CACNG2: variants seen among roughly 807,000 people sequenced by gnomAD.
CACNG2 encodes the protein voltage-dependent calcium channel gamma-2 subunit.
Under a neutral mutation model 25.9 loss-of-function variants are expected in CACNG2, and 3 were observed. The observed-to-expected ratio is 0.12, with a 90% CI of 0.05 to 0.30. The LOEUF (loss-of-function observed/expected upper bound fraction) is 0.30. Among genes scored for constraint, CACNG2 ranks in the 10% least tolerant of loss-of-function variants. The probability of loss-of-function intolerance (pLI) is 1.00; values close to 1 mark genes in which losing one functional copy is unlikely to be tolerated. For synonymous variants in CACNG2, 167 were observed against 173.3 expected (o/e 0.96, Z 0.29); for missense variants, 341 against 432.5 (o/e 0.79, Z 1.88).
In CACNG2 at chr22:36,608,633, A is replaced by T. The variant is rs963784420; in HGVS notation, c.212-21085T>A. 2.0e-5 allele frequency among the ~76,000 whole-genome samples: 3 copies of T among 152,094 alleles called. No homozygotes were observed. The South Asian group carries it at 6.2e-4, about 32-fold the overall frequency. Reference sequence around the variant, plus strand: ...TGATAAATGTTAGCCATTATTTTTAATAGGGACTCAGGACTGATGCTATCA... The same window carrying T: ...TGATAAATGTTAGCCATTATTTTTATTAGGGACTCAGGACTGATGCTATCA... On this transcript the variant is annotated intron_variant, in intron 1 of 3. Transcript: ENST00000300105.
At chr22:36,575,954 A>G (rs1224560754) in intron 2 of CACNG2, among the ~76,000 whole-genome samples, 1 of 152,188 alleles carries the variant, frequency 6.6e-6, no homozygotes, top group Admixed American at 6.5e-5. Flanking sequence ...ACCTGCACAG[A>G]CCTGCTGGGT....
At chr22:36,678,489 C>T (rs1265262463) in intron 1 of CACNG2, among the ~76,000 whole-genome samples, 2 of 152,068 alleles carry the variant, frequency 1.3e-5, no homozygotes, top group Non-Finnish European at 2.9e-5. Flanking sequence ...CACATTTGAC[C>T]CAGTTCCCCC....
intron 1 of CACNG2, among the ~76,000 whole-genome samples, chr22:36,595,382 T>A (rs1225165979): frequency 3.3e-5 from 5 of 152,138 alleles, no homozygotes; most frequent in Non-Finnish European, 5.9e-5. Context: ...GTTAGCAGTT[T>A]GAAATCAGCC....
chr22:36,688,131 G>T (rs1937224449), intron 1 of CACNG2, among the ~76,000 whole-genome samples: 1 of 152,044 alleles, frequency 6.6e-6, no homozygotes, highest in Admixed American at 6.5e-5. Flanking sequence ...GAAGGTGACA[G>T]ACACATGGTC....
chr22:36,639,112 C>T (rs1239025730), intron 1 of CACNG2, among the ~76,000 whole-genome samples: 1 of 152,190 alleles, frequency 6.6e-6, no homozygotes, highest in Admixed American at 6.5e-5. Context: ...CGTGGATCCT[C>T]CAGTTACTCG....
At chr22:36,638,606 CTCTG>C (rs935572128) in intron 1 of CACNG2, among the ~76,000 whole-genome samples, 2 of 152,198 alleles carry the variant, frequency 1.3e-5, no homozygotes, top group African/African-American at 4.8e-5. Context: ...TCTTGGCCCC[CTCTG>C]TCTAACCACA....
At chr22:36,667,801 C>A (rs1462710831) in intron 1 of CACNG2, among the ~76,000 whole-genome samples, 1 of 152,094 alleles carries the variant, frequency 6.6e-6, no homozygotes, top group East Asian at 1.9e-4. Flanking sequence ...GTTAAGTGTG[C>A]CTGACAGAGC....
intron 1 of CACNG2, among the ~76,000 whole-genome samples, chr22:36,623,808 C>T (rs1936143780): frequency 1.3e-5 from 2 of 152,090 alleles, no homozygotes; most frequent in Non-Finnish European, 2.9e-5. Context: ...GTGCAAAATG[C>T]TCTACAGCAA....
chr22:36,631,741 T>TTA (rs72101101), intron 1 of CACNG2, among the ~76,000 whole-genome samples: 146 of 69,724 alleles, frequency 2.1e-3, no homozygotes, highest in Middle Eastern at 8.2e-3. Context: ...GCAACTCTTT[T>TTA]TTTTTTTTTT....
At chr22:36,609,306 G>A (rs752295034) in intron 1 of CACNG2, among the ~76,000 whole-genome samples, 16 of 124,018 alleles carry the variant, frequency 1.3e-4, no homozygotes, top group African/African-American at 9.4e-5. Context: ...AATCTGCCCC[G>A]CAGAGCATGA....
intron 2 of CACNG2, among the ~76,000 whole-genome samples, chr22:36,575,428 A>G (rs2145912910): frequency 6.6e-6 from 1 of 151,348 alleles, no homozygotes; most frequent in East Asian, 2.0e-4. Context: ...ATGGTGCTTC[A>G]TGGTGGGCAT....
intron 1 of CACNG2, among the ~76,000 whole-genome samples, chr22:36,651,347 G>A (rs1273351619): frequency 6.9e-6 from 1 of 145,768 alleles, no homozygotes; most frequent in Non-Finnish European, 1.5e-5. Context: ...TCCTGCCTCA[G>A]CCTCCCAAGT....
chr22:36,579,094 T>A (rs567588329), intron 2 of CACNG2, among the ~76,000 whole-genome samples: 9 of 152,148 alleles, frequency 5.9e-5, no homozygotes, highest in African/African-American at 2.2e-4. Flanking sequence ...ACTTCTCCCA[T>A]CCAGGCTGTC....
At chr22:36,668,715 C>T (rs1186490186) in intron 1 of CACNG2, among the ~76,000 whole-genome samples, 3 of 152,056 alleles carry the variant, frequency 2.0e-5, no homozygotes, top group Admixed American at 6.5e-5. Context: ...AGGCTGGTCT[C>T]GAACTCCTGA....
intron 1 of CACNG2, among the ~76,000 whole-genome samples, chr22:36,610,791 T>C (rs1045987062): frequency 1.3e-5 from 2 of 152,262 alleles, no homozygotes; most frequent in East Asian, 1.9e-4. Context: ...GGAGGCTGAG[T>C]TGGTTGCACC....
intron 2 of CACNG2, among the ~76,000 whole-genome samples, chr22:36,575,925 A>ATACAGTC (rs1207558226): frequency 6.6e-6 from 1 of 152,200 alleles, no homozygotes; most frequent in African/African-American, 2.4e-5. Flanking sequence ...GCATTAGGGG[A>ATACAGTC]TACAGTCTAC....
At position 36,606,346 on chromosome 22, in the gene CACNG2, G is replaced by A. The variant is rs1370339308; in HGVS notation, c.212-18798C>T. Among the ~76,000 whole-genome samples, 1 of 152,224 alleles carries A rather than the reference G, an allele frequency of 6.6e-6. No individual in the cohort carries two copies. The highest frequency in any genetic ancestry group is 1.9e-4 in the East Asian group (1 of 5,196). On this transcript the variant is annotated intron_variant, in intron 1 of 3. Transcript: ENST00000300105. This position sits in a 1 kb window ranked among gnomAD's most constrained non-coding sequence, Gnocchi z 5.7. ...GGGCCAAGCACTTTACAACAAGCCT[G>A]TTGAGGTGGACGCTATTAGTCTCCG...
At chr22:36,665,630 A>G (rs1195461094) in intron 1 of CACNG2, among the ~76,000 whole-genome samples, 1 of 152,238 alleles carries the variant, frequency 6.6e-6, no homozygotes, top group Non-Finnish European at 1.5e-5. Flanking sequence ...GCTTAATATC[A>G]TTAATCATTA....
intron 1 of CACNG2, among the ~76,000 whole-genome samples, chr22:36,654,187 GT>G (rs903378413): frequency 3.9e-5 from 6 of 151,924 alleles, no homozygotes; most frequent in Admixed American, 6.6e-5. Context: ...TTTGAGGAAT[GT>G]TTTTTTTAAT....
Sources: allele counts gnomAD v4.1 joint callset (sites outside exome capture counted in the v4.1 genomes callset), GRCh38; gene constraint gnomAD v4.1.1; non-coding constraint Gnocchi (gnomAD v3.1); transcripts MANE v1.5; gene names NCBI Gene and HGNC (gene_info 2026-07-23, HGNC 2026-07-21).